TAS2R4: variants seen among roughly 807,000 people sequenced by gnomAD.
TAS2R4 encodes taste 2 receptor member 4, also known as taste receptor type 2 member 4.
A neutral mutation model predicts 14.3 loss-of-function variants in TAS2R4; 18 were observed. The ratio of observed to expected loss-of-function variants is 1.26; its 90% confidence interval spans 0.87 to 1.86. TAS2R4 has a LOEUF of 1.86. Among genes scored for constraint, TAS2R4 ranks in the 40% most tolerant of loss-of-function variants. TAS2R4 has a pLI of 0.00. For synonymous variants in TAS2R4, 130 were observed against 138.5 expected (o/e 0.94, Z 0.43); for missense variants, 306 against 342.7 (o/e 0.89, Z 0.85).
chr7:141,777,335 A>G lies in TAS2R4; in HGVS notation c.-1154A>G, dbSNP rs1045118263. Among the ~76,000 whole-genome samples the G allele has an allele frequency of 4.6e-5, 7 of 152,166 alleles. No homozygotes were observed. Among genetic ancestry groups the G allele is most frequent in the African/African-American group, 1.7e-4 (7 of 41,434 alleles). On this transcript the variant is annotated 5_prime_UTR_variant, in exon 1 of 1. Transcript: ENST00000247881. ...TTCCCCTCTTCTGGACCTGATTATT[A>G]TTAAATCTTAGCTCCTTTTTCTTGT... is the stretch of plus-strand genomic sequence containing the variant.
chr7:141,779,051 A>T lies in TAS2R4; in HGVS notation c.563A>T (p.Gln188Leu). 1 of 1,614,182 alleles carries T rather than the reference A, an allele frequency of 6.2e-7. No individual in the cohort carries two copies. The highest frequency in any genetic ancestry group is 2.2e-5 in the East Asian group (1 of 44,886). Residue 188 changes from glutamine to leucine, a missense_variant, in exon 1 of 1, where the codon CAG (glutamine) becomes CTG (leucine). Physicochemically the swap from Gln to Leu is moderately radical, Grantham distance 113. Coordinates refer to ENST00000247881, the MANE Select transcript of TAS2R4 (RefSeq NM_016944.2). The part of the protein sequence containing the change: ...VVSLVLSSSL[Q>L]FIINVTSASL... ...TCTTTGGTCTTGAGCTCATCTCTCCAGTTCATCATTAATGTGACTTCTGCT... is the reference window on the plus strand; with the variant it reads ...TCTTTGGTCTTGAGCTCATCTCTCCTGTTCATCATTAATGTGACTTCTGCT...
chr7:141,779,005 G>T lies in TAS2R4; in HGVS notation c.517G>T (p.Gly173Cys), dbSNP rs774270824. The change falls in exon 1 of 1, where the codon GGC (glycine) becomes TGC (cysteine). Residue 173 changes from glycine (G) to cysteine (C), a missense_variant. Coordinates refer to ENST00000247881, the MANE Select transcript of TAS2R4 (RefSeq NM_016944.2). ...RNNTSFNISE[G>C]ILSLVVSLVL... ...TAACACATCATTTAATATCAGTGAG[G>T]GCATCTTGTCTTTAGTGGTTTCTTT... 4.0e-5 allele frequency: 64 copies of T among 1,613,994 alleles called. No individual in the cohort carries two copies. Among genetic ancestry groups the T allele is most frequent in the Non-Finnish European group, 5.3e-5 (63 of 1,180,028 alleles).
At position 141,780,486 on chromosome 7, in the gene TAS2R4, A is replaced by C. The variant is rs1320998070; in HGVS notation, c.*1098A>C. The C allele has an allele frequency of 6.6e-6, 1 of 152,250 alleles. No homozygotes were observed. The highest frequency in any genetic ancestry group is 1.9e-4 in the East Asian group (1 of 5,200). 9.4% of individuals were successfully genotyped at this position (152,250 alleles called of 1,614,324 possible). A position where few individuals can be genotyped will look rare whatever the true frequency, so the allele number is the denominator to read the frequency against. On this transcript the variant is annotated 3_prime_UTR_variant, in exon 1 of 1. Transcript: ENST00000247881. ...ATTAACACCATATGAGTACAAATTT[A>C]CAAAATACTGTACTTCACCATAGGC...
rs1435204657 is a variant in TAS2R4, at chr7:141,781,192, C to T, written c.*1804C>T. Among the ~76,000 whole-genome samples the T allele has an allele frequency of 2.0e-5, 3 of 152,136 alleles. No homozygotes were observed. Among genetic ancestry groups the T allele is most frequent in the Non-Finnish European group, 4.4e-5 (3 of 68,032 alleles). On this transcript the variant is annotated 3_prime_UTR_variant, in exon 1 of 1. Coordinates refer to ENST00000247881, the MANE Select transcript of TAS2R4 (RefSeq NM_016944.2). ...TTCTTTAATCTTTTCTTTGTTACTC[C>T]CTCCATGAGCTGGAATGCTGACATC...
chr7:141,778,036 C>G lies in TAS2R4; in HGVS notation c.-453C>G, dbSNP rs534842062. Among the ~76,000 whole-genome samples, 26 of 152,214 alleles carry G rather than the reference C, an allele frequency of 1.7e-4. No individual in the cohort carries two copies. The highest frequency in any genetic ancestry group is 3.5e-4 in the Non-Finnish European group (24 of 68,018). On this transcript the variant is annotated 5_prime_UTR_variant, in exon 1 of 1. Coordinates refer to ENST00000247881, the MANE Select transcript of TAS2R4 (RefSeq NM_016944.2). ...ATTCTGGTCATCCATGAATATGTGGCTAGGAGGTGGGTGGGTAGGAGTGAG... is the reference window on the plus strand; with the variant it reads ...ATTCTGGTCATCCATGAATATGTGGGTAGGAGGTGGGTGGGTAGGAGTGAG...
chr7:141,776,686 T>C lies in TAS2R4; in HGVS notation c.-1803T>C, dbSNP rs924578565. Among the ~76,000 whole-genome samples the C allele has an allele frequency of 4.6e-5, 7 of 152,014 alleles. No homozygotes were observed. The East Asian group carries it at 1.4e-3, about 29-fold the overall frequency. On this transcript the variant is annotated 5_prime_UTR_variant, in exon 1 of 1. Coordinates refer to ENST00000247881, the MANE Select transcript of TAS2R4 (RefSeq NM_016944.2). Reference sequence around the variant, plus strand: ...TTTTTTTTTTGTTCTAGAAACATAGTTGATGTTCTTACCCTTATCATATAA... The same window carrying C: ...TTTTTTTTTTGTTCTAGAAACATAGCTGATGTTCTTACCCTTATCATATAA...
At position 141,779,104 on chromosome 7, in the gene TAS2R4, C is replaced by T. The variant is rs566476927; in HGVS notation, c.616C>T (p.His206Tyr). 1 of 1,614,206 alleles carries T rather than the reference C, an allele frequency of 6.2e-7. No individual in the cohort carries two copies. The highest frequency in any genetic ancestry group is 1.1e-5 in the South Asian group (1 of 91,086). ...CTTGCTAATACACTCCTTGAGGAGA[C>T]ATATACAGAAGATGCAGAAAAATGC... ...ASLLIHSLRR[H>Y]IQKMQKNATG... is the part of the protein sequence containing the mutation. The change falls in exon 1 of 1, where the codon CAT (histidine) becomes TAT (tyrosine). Residue 206 changes from histidine (H) to tyrosine (Y), a missense_variant. Coordinates refer to ENST00000247881, the MANE Select transcript of TAS2R4 (RefSeq NM_016944.2).
rs150138159 is a variant in TAS2R4 at position 141,778,952 on chromosome 7, C to T, written c.464C>T (p.Pro155Leu). ...TACATCACGCTTAGCCAGGCATCAC[C>T]TTTTCCTGAACTTGTGACTACGAGA... ...CLYITLSQAS[P>L]FPELVTTRNN... The change falls in exon 1 of 1, where the codon CCT becomes CTT. Residue 155 changes from proline to leucine, a missense_variant. By Grantham distance (98) the Pro-to-Leu change is moderately conservative (BLOSUM62 -3). Coordinates refer to ENST00000247881, the MANE Select transcript of TAS2R4 (RefSeq NM_016944.2). 28 of 1,614,108 alleles carry T rather than the reference C, an allele frequency of 1.7e-5. No homozygotes were observed. The highest frequency in any genetic ancestry group is 2.3e-5 in the Non-Finnish European group (27 of 1,180,050).
Position 141,779,508 on chromosome 7 carries a change from G to T in TAS2R4, c.*120G>T. The stretch of plus-strand genomic sequence containing the variant: ...TGTGATTGCTGATCTGACATCATAG[G>T]CTTTTGAGTGCCTGAATTTCAGTTC... On this transcript the variant is annotated 3_prime_UTR_variant, in exon 1 of 1. Transcript: ENST00000247881. The T allele has an allele frequency of 3.2e-6, 3 of 949,162 alleles. No homozygotes were observed. The highest frequency in any genetic ancestry group is 2.9e-6 in the Non-Finnish European group (2 of 681,888). The allele number at this position is 949,162 out of a possible 1,614,324, so 58.8% of individuals were successfully genotyped here. A position where few individuals can be genotyped will look rare whatever the true frequency, so the allele number is the denominator to read the frequency against.
rs76984214 is a variant in TAS2R4, at chr7:141,779,455, T to C, written c.*67T>C. On this transcript the variant is annotated 3_prime_UTR_variant, in exon 1 of 1. Coordinates refer to ENST00000247881, the MANE Select transcript of TAS2R4 (RefSeq NM_016944.2). ...GGGGGCAAGATTTTCTGTTTGCAGT[T>C]TTCCCAGTGATCTGGGGAATTCAGT... 1,400 of 1,457,552 alleles carry C rather than the reference T, an allele frequency of 9.6e-4. 15 individuals carry two copies. In the African/African-American group the frequency reaches 0.018, roughly 19 times the overall value. 90.3% of individuals were successfully genotyped at this position (1,457,552 alleles called of 1,614,324 possible).
rs772162614 is a variant in TAS2R4 at position 141,778,770 on chromosome 7, C to T, written c.282C>T (p.Ser94=). ...TGTGTTTCATGTTTTTGGACTCGAGCAGTGTCTGGTTTGTGACCTTGCTCA... is the reference window on the plus strand; with the variant it reads ...TGTGTTTCATGTTTTTGGACTCGAGTAGTGTCTGGTTTGTGACCTTGCTCA... ...FVLCFMFLDS[S]SVWFVTLLNI... The change falls in exon 1 of 1, where the codon AGC becomes AGT. Residue 94 remains serine (S), a synonymous_variant. Coordinates refer to ENST00000247881, the MANE Select transcript of TAS2R4 (RefSeq NM_016944.2). 2 of 1,614,178 alleles carry T rather than the reference C, an allele frequency of 1.2e-6. No individual in the cohort carries two copies. The highest frequency in any genetic ancestry group is 3.3e-5 in the Admixed American group (2 of 60,016).
chr7:141,779,671 T>C lies in TAS2R4; in HGVS notation c.*283T>C, dbSNP rs942618088. On this transcript the variant is annotated 3_prime_UTR_variant, in exon 1 of 1. Coordinates refer to ENST00000247881, the MANE Select transcript of TAS2R4 (RefSeq NM_016944.2). ...GTATAATGGAAATCATCACATTGTT[T>C]CATTGTCTATTGAAGTATAATGGGA... is the stretch of plus-strand genomic sequence containing the variant. 3.1e-6 allele frequency: 1 copy of C among 324,202 alleles called. No individual in the cohort carries two copies. Among genetic ancestry groups the C allele is most frequent in the Admixed American group, 4.6e-5 (1 of 21,818 alleles). The allele number at this position is 324,202 out of a possible 1,614,324, so 20.1% of individuals were successfully genotyped here.
Position 141,778,974 on chromosome 7 carries a change from G to C in TAS2R4, c.486G>C (p.Thr162=). The C allele has an allele frequency of 6.2e-7, 1 of 1,614,094 alleles. No homozygotes were observed. Residue 162 remains threonine (T), a synonymous_variant, in exon 1 of 1, where the codon ACG becomes ACC. Transcript: ENST00000247881. The part of the protein sequence containing the change: ...QASPFPELVT[T]RNNTSFNISE... ...CACCTTTTCCTGAACTTGTGACTAC[G>C]AGAAATAACACATCATTTAATATCA...
rs758255606 is a variant in TAS2R4 at position 141,779,379 on chromosome 7, C to T, written c.891C>T (p.Phe297=). 6.3e-6 allele frequency: 10 copies of T among 1,590,010 alleles called. No individual in the cohort carries two copies. Among genetic ancestry groups the T allele is most frequent in the Non-Finnish European group, 4.3e-6 (5 of 1,167,036 alleles). ...CAACAGCAAAGAAGATTCTTTGTTT[C>T]AAAAAATAGTGGAATTTCAGTAAAC... ...LKTTAKKILC[F]KK The change falls in exon 1 of 1, where the codon TTC becomes TTT. Residue 297 remains phenylalanine, a synonymous_variant. Transcript: ENST00000247881.
At position 141,777,918 on chromosome 7, in the gene TAS2R4, G is replaced by C. The variant is rs572884094; in HGVS notation, c.-571G>C. ...TATTAGATCACTGTAAATCGCTATA[G>C]GTGAATCACTGAGGTTGAAAGAGTG... On this transcript the variant is annotated 5_prime_UTR_variant, in exon 1 of 1. Coordinates refer to ENST00000247881, the MANE Select transcript of TAS2R4 (RefSeq NM_016944.2). Among the ~76,000 whole-genome samples, 1 of 152,316 alleles carries C rather than the reference G, an allele frequency of 6.6e-6. No homozygotes were observed. Among genetic ancestry groups the C allele is most frequent in the South Asian group, 2.1e-4 (1 of 4,826 alleles).
At position 141,778,363 on chromosome 7, in the gene TAS2R4, C is replaced by A; in HGVS notation, c.-126C>A. On this transcript the variant is annotated 5_prime_UTR_variant, in exon 1 of 1. Transcript: ENST00000247881. ...CCCTTGATCATGAATGGCTCATTTGCCATGCTGGGAAAAATTAAAAAGGAG... is the reference window on the plus strand; with the variant it reads ...CCCTTGATCATGAATGGCTCATTTGACATGCTGGGAAAAATTAAAAAGGAG... 1.2e-6 allele frequency: 1 copy of A among 862,484 alleles called. No individual in the cohort carries two copies. The highest frequency in any genetic ancestry group is 1.7e-6 in the Non-Finnish European group (1 of 572,568). 53.4% of individuals were successfully genotyped at this position (862,484 alleles called of 1,614,324 possible).
Position 141,779,410 on chromosome 7 carries a change from C to G in TAS2R4, c.*22C>G. On this transcript the variant is annotated 3_prime_UTR_variant, in exon 1 of 1. Coordinates refer to ENST00000247881, the MANE Select transcript of TAS2R4 (RefSeq NM_016944.2). ...ATAGTGGAATTTCAGTAAACAATAC[C>G]TAGATTTACCTGATGGTTTGGGGGC... 1 of 1,560,746 alleles carries G rather than the reference C, an allele frequency of 6.4e-7. No individual in the cohort carries two copies. Among genetic ancestry groups the G allele is most frequent in the Non-Finnish European group, 8.7e-7 (1 of 1,152,770 alleles).
Position 141,781,215 on chromosome 7 carries a change from A to G in TAS2R4, c.*1827A>G, listed in dbSNP as rs1392445171. Among the ~76,000 whole-genome samples the G allele has an allele frequency of 6.6e-6, 1 of 152,230 alleles. No individual in the cohort carries two copies. ...TCCCTCCATGAGCTGGAATGCTGACATCATGATTGTCTATCTTGGACAATG... is the reference window on the plus strand; with the variant it reads ...TCCCTCCATGAGCTGGAATGCTGACGTCATGATTGTCTATCTTGGACAATG... On this transcript the variant is annotated 3_prime_UTR_variant, in exon 1 of 1. Transcript: ENST00000247881.
At position 141,778,663 on chromosome 7, in the gene TAS2R4, C is replaced by G. The variant is rs774396764; in HGVS notation, c.175C>G (p.Leu59Val). The G allele has an allele frequency of 1.9e-6, 3 of 1,614,194 alleles. No homozygotes were observed. Among genetic ancestry groups the G allele is most frequent in the Non-Finnish European group, 2.5e-6 (3 of 1,180,046 alleles). The part of the protein sequence containing the change: ...FSLGITRFLM[L>V]GLFLVNTIYF... Reference sequence around the variant, plus strand: ...CCTGGGCATCACCAGGTTTCTTATGCTGGGACTATTTCTGGTGAACACCAT... The same window carrying G: ...CCTGGGCATCACCAGGTTTCTTATGGTGGGACTATTTCTGGTGAACACCAT... Residue 59 changes from leucine to valine, a missense_variant, in exon 1 of 1, where the codon CTG becomes GTG. By Grantham distance (32) the Leu-to-Val change is conservative. Transcript: ENST00000247881.
Sources: gnomAD v4.1 joint callset for allele counts (sites outside exome capture counted in the v4.1 genomes callset) on GRCh38, gnomAD v4.1.1 for gene constraint, MANE v1.5 for transcripts, NCBI Gene and HGNC (gene_info 2026-07-23, HGNC 2026-07-21) for gene names.